Variants in SCN9A observed in about 807,000 individuals in gnomAD.
The protein encoded by SCN9A is sodium voltage-gated channel alpha subunit 9.
Under a neutral mutation model 187.0 loss-of-function variants are expected in SCN9A, and 131 were observed. The observed-to-expected ratio is 0.70, with a 90% CI of 0.61 to 0.81. The LOEUF (loss-of-function observed/expected upper bound fraction) is 0.81. SCN9A is among the 30% of genes least tolerant of loss of function. The pLI is 0.00. For synonymous variants in SCN9A, 809 were observed against 808.6 expected (o/e 1.00, Z -0.01); for missense variants, 2,252 against 2,396.6 (o/e 0.94, Z 1.26).
chr2:166,221,116 T>C (rs949161154), intron 24 of SCN9A, among the ~76,000 whole-genome samples: 2 of 152,036 alleles, frequency 1.3e-5, no homozygotes, highest in Admixed American at 6.5e-5. Flanking sequence ...GCATTGAAAA[T>C]GTATGCACTG....
intron 17 of SCN9A, among the ~76,000 whole-genome samples, chr2:166,266,140 G>A (rs2106449341): frequency 6.6e-6 from 1 of 151,814 alleles, no homozygotes; most frequent in East Asian, 1.9e-4. Context: ...TCCTTGCCTA[G>A]AACAACATCA....
chr2:166,349,060 G>T lies in SCN9A; in HGVS notation c.-51+26637C>A, dbSNP rs551342807. ...GGAGAATCGCTTGAACCCAGGAGCG[G>T]AGATTGCGGTGAGCCGAGATCACGC... On this transcript the variant is annotated intron_variant, in intron 1 of 26. Transcript: ENST00000642356. Among the ~76,000 whole-genome samples, 214 of 152,222 alleles carry T rather than the reference G, an allele frequency of 1.4e-3. 2 individuals carry two copies. Among genetic ancestry groups the T allele is most frequent in the African/African-American group, 4.7e-3 (195 of 41,530 alleles).
At chr2:166,228,224 A>G (rs1451042761) in intron 22 of SCN9A, among the ~76,000 whole-genome samples, 2 of 150,166 alleles carry the variant, frequency 1.3e-5, no homozygotes, top group Non-Finnish European at 3.0e-5. Context: ...TCATGTAGGA[A>G]CATGTTCTAG....
chr2:166,292,723 A>G (rs1013153250), intron 9 of SCN9A, among the ~76,000 whole-genome samples: 4 of 152,210 alleles, frequency 2.6e-5, no homozygotes, highest in East Asian at 1.9e-4. Context: ...CAAGAGATCA[A>G]TGATATAAAT....
At chr2:166,320,953 A>G (rs1016031149) in intron 1 of SCN9A, among the ~76,000 whole-genome samples, 2 of 152,182 alleles carry the variant, frequency 1.3e-5, no homozygotes, top group African/African-American at 4.8e-5. Flanking sequence ...TATCTAAGTA[A>G]TGCTGAAATA....
At chr2:166,375,024 C>G (rs928211364) in intron 1 of SCN9A, among the ~76,000 whole-genome samples, 2 of 151,894 alleles carry the variant, frequency 1.3e-5, no homozygotes, top group African/African-American at 2.4e-5. Context: ...ATATAAGGCA[C>G]GAAAATATCC....
chr2:166,272,986 G>A (rs559955223), intron 16 of SCN9A, 111 bp from the exon 17 acceptor site: 43 of 509,732 alleles, frequency 8.4e-5, no homozygotes, highest in African/African-American at 6.5e-4. Flanking sequence ...AACCAGCAAC[G>A]AAGATTTCTG....
intron 6 of SCN9A, 67 bp from the exon 7 acceptor site, chr2:166,303,369 C>T: frequency 8.6e-6 from 11 of 1,284,710 alleles, no homozygotes; most frequent in Non-Finnish European, 1.2e-5. Flanking sequence ...AAAACACAAG[C>T]TTTCCTAGAA....
At chr2:166,214,902 T>G (rs1460416084) in intron 24 of SCN9A, among the ~76,000 whole-genome samples, 1 of 151,886 alleles carries the variant, frequency 6.6e-6, no homozygotes, top group African/African-American at 2.4e-5. Context: ...ACATAATTTA[T>G]GCAGTTTCTT....
chr2:166,214,510 T>C (rs1174848227), intron 24 of SCN9A, among the ~76,000 whole-genome samples: 3 of 42,976 alleles, frequency 7.0e-5, no homozygotes, highest in Admixed American at 2.6e-4. Context: ...TTTCTTTTTT[T>C]TTTTTTTTTT....
chr2:166,310,787 C>T lies in SCN9A; in HGVS notation c.258+712G>A, dbSNP rs1199376319. Among the ~76,000 whole-genome samples, 3 of 78,902 alleles carry T rather than the reference C, an allele frequency of 3.8e-5. 1 individual carries two copies. The highest frequency in any genetic ancestry group is 7.8e-5 in the Non-Finnish European group (3 of 38,334). 51.8% of individuals were successfully genotyped at this position (78,902 alleles called of 152,430 possible). A position where few individuals can be genotyped will look rare whatever the true frequency, so the allele number is the denominator to read the frequency against. On this transcript the variant is annotated intron_variant, in intron 2 of 26. Transcript: ENST00000642356. ...ACTATAAATCATGCTGCTATAAAGACACATGCACACATATGTTTATTGTGG... is the reference window on the plus strand; with the variant it reads ...ACTATAAATCATGCTGCTATAAAGATACATGCACACATATGTTTATTGTGG...
At chr2:166,227,295 C>A (rs1024397997) in intron 23 of SCN9A, among the ~76,000 whole-genome samples, 8 of 152,250 alleles carry the variant, frequency 5.3e-5, no homozygotes, top group Admixed American at 3.3e-4. Flanking sequence ...TGCCAGCCTG[C>A]ACTAAGTGCC....
chr2:166,208,918 C>A (rs1223434109), intron 24 of SCN9A, among the ~76,000 whole-genome samples: 1 of 152,286 alleles, frequency 6.6e-6, no homozygotes, highest in South Asian at 2.1e-4. Context: ...TATTCATTTT[C>A]ATCAAGATAC....
At chr2:166,302,875 A>G in intron 7 of SCN9A, 1 of 419,558 alleles carries the variant, frequency 2.4e-6, no homozygotes, top group Non-Finnish European at 4.2e-6. Context: ...TTATGGAACT[A>G]TCCTGTGTTC....
At chr2:166,360,392 A>G (rs1700255028) in intron 1 of SCN9A, among the ~76,000 whole-genome samples, 2 of 152,164 alleles carry the variant, frequency 1.3e-5, no homozygotes, top group South Asian at 2.1e-4. Context: ...AAGACAGAAA[A>G]TACTTCTTAG....
At chr2:166,366,758 C>A (rs1700426894) in intron 1 of SCN9A, among the ~76,000 whole-genome samples, 2 of 152,058 alleles carry the variant, frequency 1.3e-5, no homozygotes, top group Admixed American at 6.5e-5. Context: ...GCTACCAATC[C>A]ACAAATCACT....
intron 1 of SCN9A, among the ~76,000 whole-genome samples, chr2:166,324,318 TA>T (rs1440636957): frequency 6.6e-6 from 1 of 151,938 alleles, no homozygotes; most frequent in Non-Finnish European, 1.5e-5. Flanking sequence ...TTTATTTATT[TA>T]AAATTGGTCC....
intron 2 of SCN9A, 117 bp downstream of exon 2, chr2:166,311,382 T>TA (rs1559034538): frequency 4.1e-4 from 34 of 83,464 alleles, no homozygotes; most frequent in Admixed American, 7.3e-4. Flanking sequence ...ATATATTTAA[T>TA]TTAACATTCT....
intron 24 of SCN9A, among the ~76,000 whole-genome samples, chr2:166,205,608 A>G (rs1693758724): frequency 6.6e-6 from 1 of 152,212 alleles, no homozygotes; most frequent in South Asian, 2.1e-4. Context: ...ATGGGCAAAG[A>G]CTTCATGACT....
Sources: gnomAD v4.1 joint callset for allele counts (sites outside exome capture counted in the v4.1 genomes callset) on GRCh38, gnomAD v4.1.1 for gene constraint, MANE v1.5 for transcripts, NCBI Gene and HGNC (gene_info 2026-07-23, HGNC 2026-07-21) for gene names.